The following EHD2 variants were observed in gnomAD, a reference collection of about 807,000 sequenced individuals.
The protein encoded by EHD2 is EH domain-containing protein 2.
Under a neutral mutation model 41.0 loss-of-function variants are expected in EHD2, and 27 were observed. That is an observed-to-expected ratio of 0.66 (90% confidence interval 0.49 to 0.91). EHD2 has a LOEUF of 0.91. Among genes scored for constraint, EHD2 ranks in the 40% least tolerant of loss-of-function variants. The pLI is 0.00. For missense variants in EHD2, 673 were observed against 773.9 expected (o/e 0.87, Z 1.55); for synonymous variants, 342 against 341.0 (o/e 1.00, Z -0.03).
chr19:47,715,671 C>G (rs1336812061), intron 1 of EHD2, among the ~76,000 whole-genome samples: 1 of 152,202 alleles, frequency 6.6e-6, no homozygotes, highest in Non-Finnish European at 1.5e-5. Context: ...CAGGCAGCTT[C>G]TGCATCCTTC....
rs970585407 is a variant in EHD2, at chr19:47,742,086, G to A, written c.*654G>A. The A allele has an allele frequency of 5.5e-6, 2 of 361,598 alleles. No homozygotes were observed. The highest frequency in any genetic ancestry group is 1.1e-5 in the Non-Finnish European group (2 of 185,306). 22.4% of individuals were successfully genotyped at this position (361,598 alleles called of 1,614,324 possible). On this transcript the variant is annotated 3_prime_UTR_variant, in exon 6 of 6. Transcript: ENST00000263277. ...GGGCCCCTCCGCAGCCCCTTCCCTT[G>A]CTCGGGGAAAGCCCCCAATTCTGCC...
intron 1 of EHD2, among the ~76,000 whole-genome samples, chr19:47,713,770 C>A (rs778458086): frequency 6.6e-6 from 1 of 151,834 alleles, no homozygotes; most frequent in Non-Finnish European, 1.5e-5. Context: ...CTCTCACACT[C>A]CCCCAGTCTC....
intron 5 of EHD2, 89 bp from the exon 6 acceptor site, chr19:47,740,792 C>A: frequency 7.1e-7 from 1 of 1,411,454 alleles, no homozygotes; most frequent in Non-Finnish European, 9.5e-7. Context: ...TACCCCCGAG[C>A]TTCTCCAGTG....
At chr19:47,731,279 A>AAAAAAAAAAAAAAAAAAATTATATAT in intron 4 of EHD2, 1 of 60,928 alleles carries the variant, frequency 1.6e-5, no homozygotes, top group African/African-American at 4.9e-5. Flanking sequence ...AAAAAAAAAA[A>AAAAAAAAAAAAAAAAAAATTATATAT]ATATATATAT....
chr19:47,741,594 T>A lies in EHD2; in HGVS notation c.*162T>A. 1 of 806,970 alleles carries A rather than the reference T, an allele frequency of 1.2e-6. No homozygotes were observed. Among genetic ancestry groups the A allele is most frequent in the Non-Finnish European group, 1.9e-6 (1 of 522,076 alleles). 50.0% of individuals were successfully genotyped at this position (806,970 alleles called of 1,614,324 possible). A position where few individuals can be genotyped will look rare whatever the true frequency, so the allele number is the denominator to read the frequency against. Reference sequence around the variant, plus strand: ...CGCCAGACACCCCGGTGGAAGCATTTAGAGGGGACCACGGGAGGGACAAGG... The same window carrying A: ...CGCCAGACACCCCGGTGGAAGCATTAAGAGGGGACCACGGGAGGGACAAGG... On this transcript the variant is annotated 3_prime_UTR_variant, in exon 6 of 6. Transcript: ENST00000263277. The surrounding 1 kb of genome is among the most constrained non-coding windows in gnomAD (Gnocchi z 4.5).
At chr19:47,723,680 C>T (rs1168304125) in intron 3 of EHD2, among the ~76,000 whole-genome samples, 1 of 130,480 alleles carries the variant, frequency 7.7e-6, no homozygotes, top group African/African-American at 3.1e-5. Context: ...AAAAGCTCAA[C>T]CATTTTTTTT....
intron 1 of EHD2, 21 bp from the exon 2 acceptor site, chr19:47,716,537 T>G: frequency 1.4e-6 from 2 of 1,433,216 alleles, no homozygotes; most frequent in Non-Finnish European, 1.8e-6. Context: ...CCTATGCTCA[T>G]GCCCTCTCCC....
Position 47,726,155 on chromosome 19 carries a change from C to A in EHD2, c.846C>A (p.Ile282=). 6.3e-7 allele frequency: 1 copy of A among 1,580,812 alleles called. No homozygotes were observed. The highest frequency in any genetic ancestry group is 8.6e-7 in the Non-Finnish European group (1 of 1,164,902). ...AGGAGCAGGACCTCTTCCGCGACAT[C>A]CAGGGCCTGCCCCGGCACGCAGCCT... is the stretch of plus-strand genomic sequence containing the variant. ...ELEEQDLFRD[I]QGLPRHAALR... The change falls in exon 4 of 6, where the codon ATC becomes ATA. Residue 282 remains isoleucine, a synonymous_variant. Transcript: ENST00000263277.
At chr19:47,726,471 C>T (rs1973753888) in intron 4 of EHD2, among the ~76,000 whole-genome samples, 1 of 150,136 alleles carries the variant, frequency 6.7e-6, no homozygotes, top group African/African-American at 2.4e-5. Context: ...ATTTCTTCTT[C>T]CTCTTCCTCC....
chr19:47,732,596 T>G (rs113981583), intron 4 of EHD2, among the ~76,000 whole-genome samples: 84 of 151,544 alleles, frequency 5.5e-4, no homozygotes, highest in Middle Eastern at 3.4e-3. Context: ...GTTTTAAAAT[T>G]TTTTTTTAGA....
intron 5 of EHD2, among the ~76,000 whole-genome samples, chr19:47,737,145 G>A (rs1168449534): frequency 6.6e-6 from 1 of 150,970 alleles, no homozygotes; most frequent in East Asian, 2.0e-4. Context: ...GCAGGAGAAT[G>A]GTGTGAACCC....
Position 47,741,173 on chromosome 19 carries a change from A to G in EHD2, c.1373A>G (p.Tyr458Cys). The G allele has an allele frequency of 6.2e-7, 1 of 1,613,736 alleles. No homozygotes were observed. Among genetic ancestry groups the G allele is most frequent in the Non-Finnish European group, 8.5e-7 (1 of 1,180,018 alleles). ...AAGTCCAAATACGACGAGATCTTCT[A>G]CAACCTGGCGCCTGCCGACGGCAAG... is the stretch of plus-strand genomic sequence containing the variant. ...KDKSKYDEIF[Y>C]NLAPADGKLS... is the part of the protein sequence containing the mutation. Residue 458 changes from tyrosine to cysteine, a missense_variant, in exon 6 of 6, where the codon TAC becomes TGC. By Grantham distance (194) the Tyr-to-Cys change is radical. Transcript: ENST00000263277. This position sits in a 1 kb window ranked among gnomAD's most constrained non-coding sequence, Gnocchi z 4.5.
At position 47,742,124 on chromosome 19, in the gene EHD2, T is replaced by TTTCC. The variant is rs1014832766; in HGVS notation, c.*708_*711dup. 15 of 331,866 alleles carry TTTCC rather than the reference T, an allele frequency of 4.5e-5. No individual in the cohort carries two copies. Among genetic ancestry groups the TTTCC allele is most frequent in the South Asian group, 8.8e-5 (4 of 45,402 alleles). The allele number at this position is 331,866 out of a possible 1,614,324, so 20.6% of individuals were successfully genotyped here. A position where few individuals can be genotyped will look rare whatever the true frequency, so the allele number is the denominator to read the frequency against. ...CCCCAATTCTGCCCACACCCATTTA[T>TTTCC]TTCCTTCCTTCCTTCCTTCTTTTCT... On this transcript the variant is annotated 3_prime_UTR_variant, in exon 6 of 6. Transcript: ENST00000263277.
intron 4 of EHD2, among the ~76,000 whole-genome samples, chr19:47,727,528 C>G (rs1406139929): frequency 6.6e-6 from 1 of 151,612 alleles, no homozygotes; most frequent in Non-Finnish European, 1.5e-5. Flanking sequence ...ATAAGCTAGT[C>G]AAATTTAGCA....
chr19:47,720,029 T>C (rs904211354), intron 3 of EHD2, among the ~76,000 whole-genome samples: 1 of 151,290 alleles, frequency 6.6e-6, no homozygotes, highest in Non-Finnish European at 1.5e-5. Context: ...GTGTGGTGGT[T>C]CCACGCATTT....
intron 4 of EHD2, among the ~76,000 whole-genome samples, chr19:47,729,389 A>G (rs1973785389): frequency 1.3e-5 from 2 of 152,124 alleles, no homozygotes; most frequent in Non-Finnish European, 2.9e-5. Context: ...GAGCAGGGAA[A>G]GGAGATAATT....
In EHD2 at chr19:47,716,561, G is replaced by A; in HGVS notation, c.-52G>A. 1 of 1,446,952 alleles carries A rather than the reference G, an allele frequency of 6.9e-7. No individual in the cohort carries two copies. Among genetic ancestry groups the A allele is most frequent in the East Asian group, 2.5e-5 (1 of 40,350 alleles). 89.6% of individuals were successfully genotyped at this position (1,446,952 alleles called of 1,614,324 possible). A position where few individuals can be genotyped will look rare whatever the true frequency, so the allele number is the denominator to read the frequency against. ...ATGCCCTCTCCCCCTCCCACAGGCA[G>A]CTCTCCATCTGCACGTCTCTCCGTG... On this transcript the variant is annotated 5_prime_UTR_variant, in exon 2 of 6. Coordinates refer to ENST00000263277, the MANE Select transcript of EHD2 (RefSeq NM_014601.4).
At position 47,736,500 on chromosome 19, in the gene EHD2, C is replaced by T. The variant is rs1966924689; in HGVS notation, c.1047C>T (p.Ser349=). 6.9e-6 allele frequency: 11 copies of T among 1,603,758 alleles called. No individual in the cohort carries two copies. Among genetic ancestry groups the T allele is most frequent in the South Asian group, 3.4e-5 (3 of 89,300 alleles). The change falls in exon 5 of 6, where the codon TCC becomes TCT. Residue 349 remains serine (S), a synonymous_variant. Transcript: ENST00000263277. ...FAKIQLEHHI[S]PGDFPDCQKM... is the part of the protein sequence containing the mutation. ...AGATTCAGCTGGAACATCACATCTC[C>T]CCTGGGGACTTTCCTGATTGCCAGA...
intron 4 of EHD2, among the ~76,000 whole-genome samples, chr19:47,727,376 C>T (rs562218009): frequency 5.3e-5 from 8 of 152,182 alleles, no homozygotes; most frequent in Non-Finnish European, 1.0e-4. Flanking sequence ...GGATTATAGG[C>T]GTGAGCCACC....
Sources: allele counts gnomAD v4.1 joint callset (sites outside exome capture counted in the v4.1 genomes callset), GRCh38; gene constraint gnomAD v4.1.1; non-coding constraint Gnocchi (gnomAD v3.1); transcripts MANE v1.5; gene names NCBI Gene and HGNC (gene_info 2026-07-23, HGNC 2026-07-21).